The following DAPP1 variants were observed in gnomAD, a reference collection of about 807,000 sequenced individuals.
The protein encoded by DAPP1 is dual adapter for phosphotyrosine and 3-phosphotyrosine and 3-phosphoinositide.
Under a neutral mutation model 41.5 loss-of-function variants are expected in DAPP1, and 20 were observed. That is an observed-to-expected ratio of 0.48 (90% confidence interval 0.34 to 0.70). The LOEUF (loss-of-function observed/expected upper bound fraction) is 0.70, where lower values mean the gene tolerates loss of function less well. Ranked by LOEUF, DAPP1 falls within the 30% of genes least tolerant of loss-of-function variation. DAPP1 has a pLI of 0.01. For missense variants in DAPP1, 233 were observed against 333.4 expected (o/e 0.70, Z 2.35); for synonymous variants, 113 against 116.2 (o/e 0.97, Z 0.18).
At position 99,863,958 on chromosome 4, in the gene DAPP1, G is replaced by C. The variant is rs1023549521; in HGVS notation, c.686+103G>C. ...TATATCTTAATGTCTACAAAGATCA[G>C]ATATGAGGGGCATGCCTGCATGTAA... On this transcript the variant is annotated intron_variant, in intron 7 of 8. Transcript: ENST00000512369. 8.1e-6 allele frequency: 6 copies of C among 739,082 alleles called. No individual in the cohort carries two copies. In the African/African-American group the frequency reaches 9.2e-5, roughly 11 times the overall value. 45.8% of individuals were successfully genotyped at this position (739,082 alleles called of 1,614,324 possible). A position where few individuals can be genotyped will look rare whatever the true frequency, so the allele number is the denominator to read the frequency against.
chr4:99,858,065 T>A (rs1724108783), intron 4 of DAPP1, among the ~76,000 whole-genome samples: 1 of 152,190 alleles, frequency 6.6e-6, no homozygotes, highest in South Asian at 2.1e-4. Flanking sequence ...ATAAGGGCAT[T>A]TGCCTGCGTG....
chr4:99,869,309 T>C lies in DAPP1; in HGVS notation c.*1124T>C, dbSNP rs1354967919. ...TAAGGAGGCAAATAGAAGAATGAGATACTGATGTCCACAGTTCATTGGCAG... is the reference window on the plus strand; with the variant it reads ...TAAGGAGGCAAATAGAAGAATGAGACACTGATGTCCACAGTTCATTGGCAG... On this transcript the variant is annotated 3_prime_UTR_variant, in exon 9 of 9. Transcript: ENST00000512369. 1 of 152,234 alleles carries C rather than the reference T, an allele frequency of 6.6e-6. No individual in the cohort carries two copies. The highest frequency in any genetic ancestry group is 2.4e-5 in the African/African-American group (1 of 41,468). 9.4% of individuals were successfully genotyped at this position (152,234 alleles called of 1,614,324 possible).
chr4:99,825,633 G>A (rs1329444212), intron 1 of DAPP1, among the ~76,000 whole-genome samples: 1 of 152,216 alleles, frequency 6.6e-6, no homozygotes, highest in South Asian at 2.1e-4. Flanking sequence ...CAGCCCTGCT[G>A]GTTCCATCAC....
At chr4:99,848,440 AG>A (rs1457678703) in intron 3 of DAPP1, among the ~76,000 whole-genome samples, 1 of 151,420 alleles carries the variant, frequency 6.6e-6, no homozygotes, top group African/African-American at 2.4e-5. Flanking sequence ...CGTGTTAGCC[AG>A]GATGGTCTCC....
Position 99,835,661 on chromosome 4 carries a change from C to T in DAPP1, c.140C>T (p.Ala47Val). ...HGNLTRHAAE[A>V]LLLSNGCDGS... ...AACCTCACACGCCATGCTGCTGAAG[C>T]TCTTCTCCTCTCAAATGGATGTGAC... is the stretch of plus-strand genomic sequence containing the variant. The change falls in exon 2 of 9, where the codon GCT (alanine) becomes GTT (valine). Residue 47 changes from alanine (A) to valine (V), a missense_variant. By Grantham distance (64) the Ala-to-Val change is moderately conservative. Coordinates refer to ENST00000512369, the MANE Select transcript of DAPP1 (RefSeq NM_014395.3). 6.2e-7 allele frequency: 1 copy of T among 1,613,810 alleles called. No homozygotes were observed. Among genetic ancestry groups the T allele is most frequent in the Non-Finnish European group, 8.5e-7 (1 of 1,179,848 alleles).
chr4:99,865,499 A>G lies in DAPP1; in HGVS notation c.687-535A>G, dbSNP rs1043236910. On this transcript the variant is annotated intron_variant, in intron 7 of 8. Transcript: ENST00000512369. The stretch of plus-strand genomic sequence containing the variant: ...TTTATTGTCTCTTTTTATTGTCCCA[A>G]TAGTTGAAATTGCCCACAACCACAG... 6 of 152,178 alleles carry G rather than the reference A, an allele frequency of 3.9e-5. No homozygotes were observed. The East Asian group carries it at 9.6e-4, about 24-fold the overall frequency. 9.4% of individuals were successfully genotyped at this position (152,178 alleles called of 1,614,324 possible).
rs1269630226 is a variant in DAPP1 at position 99,847,774 on chromosome 4, G to C, written c.359-5444G>C. 2.0e-5 allele frequency among the ~76,000 whole-genome samples: 3 copies of C among 151,684 alleles called. No individual in the cohort carries two copies. The East Asian group carries it at 5.8e-4, about 29-fold the overall frequency. On this transcript the variant is annotated intron_variant, in intron 3 of 8. Transcript: ENST00000512369. ...TTGGACCTTGGAGGCAAAGTATTAAGAGTCTGTGGTAGCGACAGTAGATAA... is the reference window on the plus strand; with the variant it reads ...TTGGACCTTGGAGGCAAAGTATTAACAGTCTGTGGTAGCGACAGTAGATAA...
chr4:99,832,881 A>T (rs968376076), intron 1 of DAPP1, among the ~76,000 whole-genome samples: 2 of 152,240 alleles, frequency 1.3e-5, no homozygotes, highest in Non-Finnish European at 2.9e-5. Context: ...TACATAAACA[A>T]CTGTTATCAG....
At chr4:99,857,028 T>C (rs1022032784) in intron 4 of DAPP1, among the ~76,000 whole-genome samples, 2 of 152,226 alleles carry the variant, frequency 1.3e-5, no homozygotes, top group African/African-American at 4.8e-5. Context: ...GAACTGTTAA[T>C]GCCTTGCTCA....
intron 7 of DAPP1, chr4:99,865,484 C>T (rs992844485): frequency 1.3e-5 from 2 of 152,118 alleles, no homozygotes; most frequent in Non-Finnish European, 2.9e-5. Context: ...TTTATTGTCT[C>T]TTTTTATTGT....
chr4:99,872,144 T>G (rs1233619615), downstream of DAPP1, among the ~76,000 whole-genome samples: 1 of 152,224 alleles, frequency 6.6e-6, no homozygotes, highest in Non-Finnish European at 1.5e-5. Context: ...AATGACCATA[T>G]TTTCCACAGA....
chr4:99,817,369 A>G (rs1339210772), intron 1 of DAPP1, among the ~76,000 whole-genome samples: 2 of 152,196 alleles, frequency 1.3e-5, no homozygotes, highest in African/African-American at 4.8e-5. Context: ...TGCGCTGTTC[A>G]AGAGTTTCTA....
intron 7 of DAPP1, among the ~76,000 whole-genome samples, chr4:99,864,471 C>T (rs1722226275): frequency 6.6e-6 from 1 of 151,840 alleles, no homozygotes; most frequent in Admixed American, 6.6e-5. Flanking sequence ...CATCATGGCA[C>T]TTTATTCCTA....
At chr4:99,836,572 T>G (rs935295504) in intron 2 of DAPP1, among the ~76,000 whole-genome samples, 1 of 152,194 alleles carries the variant, frequency 6.6e-6, no homozygotes, top group Non-Finnish European at 1.5e-5. Context: ...TGATGGCACC[T>G]CCATATACCC....
At chr4:99,851,507 T>C (rs1021648362) in intron 3 of DAPP1, among the ~76,000 whole-genome samples, 1 of 151,366 alleles carries the variant, frequency 6.6e-6, no homozygotes, top group African/African-American at 2.4e-5. Flanking sequence ...TGTATTCAAG[T>C]ATCATAGACA....
intron 1 of DAPP1, among the ~76,000 whole-genome samples, chr4:99,830,836 A>G (rs1395059074): frequency 6.6e-6 from 1 of 152,096 alleles, no homozygotes; most frequent in Non-Finnish European, 1.5e-5. Flanking sequence ...CAGTCCAAGT[A>G]CTCAATAAGC....
In DAPP1 at chr4:99,853,291, T is replaced by TCA. The variant is rs1167937532; in HGVS notation, c.437_438dup (p.Ala147GlnfsTer48). The stretch of plus-strand genomic sequence containing the variant: ...CCTCCATTTATGAATCTGTCCGGGT[T>TCA]CACACAGCAATGCAGACAGGAAGAA... On this transcript the variant is annotated frameshift_variant, in exon 4 of 9. Transcript: ENST00000512369. LOFTEE classifies it high-confidence loss of function. 1 of 1,613,266 alleles carries TCA rather than the reference T, an allele frequency of 6.2e-7. No individual in the cohort carries two copies. The highest frequency in any genetic ancestry group is 8.5e-7 in the Non-Finnish European group (1 of 1,179,646).
chr4:99,822,360 G>A (rs563722654), intron 1 of DAPP1, among the ~76,000 whole-genome samples: 2 of 152,246 alleles, frequency 1.3e-5, no homozygotes, highest in African/African-American at 4.8e-5. Context: ...CAGAGATGGA[G>A]GATTCATATG....
Position 99,868,386 on chromosome 4 carries a change from A to T in DAPP1, c.*201A>T. The T allele has an allele frequency of 1.7e-6, 1 of 589,784 alleles. No homozygotes were observed. Among genetic ancestry groups the T allele is most frequent in the South Asian group, 2.0e-5 (1 of 50,522 alleles). 36.5% of individuals were successfully genotyped at this position (589,784 alleles called of 1,614,324 possible). Reference sequence around the variant, plus strand: ...TCCATGATGTTGCCATCTCCTTGAGAACACTGAAGCAATCACCATTCTGAT... The same window carrying T: ...TCCATGATGTTGCCATCTCCTTGAGTACACTGAAGCAATCACCATTCTGAT... On this transcript the variant is annotated 3_prime_UTR_variant, in exon 9 of 9. Coordinates refer to ENST00000512369, the MANE Select transcript of DAPP1 (RefSeq NM_014395.3).
Sources: gnomAD v4.1 joint callset for allele counts (sites outside exome capture counted in the v4.1 genomes callset) on GRCh38, gnomAD v4.1.1 for gene constraint, MANE v1.5 for transcripts, NCBI Gene and HGNC (gene_info 2026-07-23, HGNC 2026-07-21) for gene names.